The following LARP1B variants were observed in gnomAD, a reference collection of about 807,000 sequenced individuals.
The protein encoded by LARP1B is la-related protein 1B.
Under a neutral mutation model 114.2 loss-of-function variants are expected in LARP1B, and 76 were observed. That is an observed-to-expected ratio of 0.67 (90% CI 0.55 to 0.81). The LOEUF is 0.81. Among genes scored for constraint, LARP1B ranks in the 30% least tolerant of loss-of-function variants. LARP1B has a pLI of 0.00. For synonymous variants in LARP1B, 345 were observed against 348.0 expected (o/e 0.99, Z 0.10); for missense variants, 1,014 against 1,075.8 (o/e 0.94, Z 0.80).
chr4:128,096,128 G>T (rs1259495225), intron 7 of LARP1B, among the ~76,000 whole-genome samples: 1 of 151,872 alleles, frequency 6.6e-6, no homozygotes, highest in Non-Finnish European at 1.5e-5. Context: ...CACGTAGCTG[G>T]CACTACAGGC....
intron 15 of LARP1B, among the ~76,000 whole-genome samples, chr4:128,190,607 A>G (rs1016528040): frequency 1.3e-5 from 2 of 152,066 alleles, no homozygotes; most frequent in Non-Finnish European, 2.9e-5. Flanking sequence ...ATGGTTTTAT[A>G]AGTGTTTGAC....
At chr4:128,145,617 A>G (rs1457694842) in intron 11 of LARP1B, among the ~76,000 whole-genome samples, 2 of 152,112 alleles carry the variant, frequency 1.3e-5, no homozygotes, top group Admixed American at 6.6e-5. Context: ...CACTGCTTCA[A>G]CTGTACTAAA....
chr4:128,067,740 G>A (rs1237781327), intron 1 of LARP1B, among the ~76,000 whole-genome samples: 3 of 149,876 alleles, frequency 2.0e-5, no homozygotes, highest in East Asian at 2.0e-4. Flanking sequence ...TTGAGATGGC[G>A]CCTTGCTCTC....
chr4:128,086,660 A>C (rs1471513510), intron 5 of LARP1B, among the ~76,000 whole-genome samples: 2 of 151,998 alleles, frequency 1.3e-5, no homozygotes, highest in Non-Finnish European at 2.9e-5. Flanking sequence ...TTCTTTTTAT[A>C]ACTGGCAATA....
intron 11 of LARP1B, among the ~76,000 whole-genome samples, chr4:128,126,869 T>A (rs188258202): frequency 1.9e-4 from 29 of 151,594 alleles, no homozygotes; most frequent in African/African-American, 7.0e-4. Context: ...ACGGAGAAGG[T>A]CTAAAATATA....
intron 11 of LARP1B, among the ~76,000 whole-genome samples, chr4:128,139,629 CA>C (rs1727063607): frequency 6.6e-6 from 1 of 151,620 alleles, no homozygotes; most frequent in Non-Finnish European, 1.5e-5. Context: ...CATTGCACTC[CA>C]GCCTGGGCGA....
rs751315718 is a variant in LARP1B, at chr4:128,207,278, G to C, written c.2442G>C (p.Lys814Asn). 1.3e-6 allele frequency: 2 copies of C among 1,496,202 alleles called. No homozygotes were observed. Among genetic ancestry groups the C allele is most frequent in the Non-Finnish European group, 1.8e-6 (2 of 1,110,482 alleles). The allele number at this position is 1,496,202 out of a possible 1,614,324, so 92.7% of individuals were successfully genotyped here. A position where few individuals can be genotyped will look rare whatever the true frequency, so the allele number is the denominator to read the frequency against. Residue 814 changes from lysine (K) to asparagine (N), a missense_variant, in exon 19 of 20, where the codon AAG becomes AAC. By Grantham distance (94) the Lys-to-Asn change is moderately conservative (BLOSUM62 0). Coordinates refer to ENST00000326639, the MANE Select transcript of LARP1B (RefSeq NM_018078.4). ...YESGQLYGLE[K>N]FWAYLKYSQS... ...TAGGTCAGCTGTATGGACTAGAAAA[G>C]TTTTGGGCTTATTTGAAATATTCTC... is the stretch of plus-strand genomic sequence containing the variant.
At position 128,210,431 on chromosome 4, in the gene LARP1B, C is replaced by G; in HGVS notation, c.*378C>G. On this transcript the variant is annotated 3_prime_UTR_variant, in exon 20 of 20. Transcript: ENST00000326639. ...ATGCCTAACATTTCAGCTCATACTT[C>G]TTAAAGAAGATATAGTATGTTGTAT... The G allele has an allele frequency of 9.7e-7, 1 of 1,030,408 alleles. No homozygotes were observed. Among genetic ancestry groups the G allele is most frequent in the East Asian group, 8.2e-5 (1 of 12,252 alleles). The allele number at this position is 1,030,408 out of a possible 1,614,324, so 63.8% of individuals were successfully genotyped here. A position where few individuals can be genotyped will look rare whatever the true frequency, so the allele number is the denominator to read the frequency against.
chr4:128,066,477 C>CTT (rs376383374), intron 1 of LARP1B, among the ~76,000 whole-genome samples: 13 of 120,416 alleles, frequency 1.1e-4, no homozygotes, highest in Admixed American at 2.7e-4. Flanking sequence ...TGCGCCCGGC[C>CTT]TTTTTTTTTT....
At chr4:128,078,655 C>T (rs1768970423) in intron 4 of LARP1B, among the ~76,000 whole-genome samples, 1 of 151,918 alleles carries the variant, frequency 6.6e-6, no homozygotes, top group African/African-American at 2.4e-5. Context: ...TAGCATTCCC[C>T]TGTCAAAATT....
intron 19 of LARP1B, 134 bp from the exon 20 acceptor site, chr4:128,209,722 A>T (rs6534671): frequency 3.2e-5 from 11 of 345,544 alleles, no homozygotes; most frequent in East Asian, 2.5e-4. Context: ...GACTCCATCA[A>T]AAAAAAAAAA....
At chr4:128,070,045 G>A (rs895498852) in intron 1 of LARP1B, among the ~76,000 whole-genome samples, 6 of 152,160 alleles carry the variant, frequency 3.9e-5, no homozygotes, top group Non-Finnish European at 7.3e-5. Context: ...GAGGCCGAGC[G>A]CAGTGGCTCA....
intron 15 of LARP1B, among the ~76,000 whole-genome samples, chr4:128,189,304 G>T (rs374021835): frequency 0.047 from 289 of 6,136 alleles, no homozygotes; most frequent in Non-Finnish European, 0.057. Flanking sequence ...GTTCTATTTT[G>T]TTTGATACAA....
At chr4:128,126,530 A>G (rs1789681289) in intron 11 of LARP1B, among the ~76,000 whole-genome samples, 1 of 152,210 alleles carries the variant, frequency 6.6e-6, no homozygotes. Context: ...ATCCTAAAGA[A>G]TAACGATAGA....
rs1426700288 is a variant in LARP1B, at chr4:128,173,678, ACTC to A, written c.1649-3193_1649-3191del. Among the ~76,000 whole-genome samples the A allele has an allele frequency of 2.0e-5, 3 of 152,134 alleles. No individual in the cohort carries two copies. The East Asian group carries it at 5.8e-4, about 29-fold the overall frequency. On this transcript the variant is annotated intron_variant, in intron 12 of 19. Coordinates refer to ENST00000326639, the MANE Select transcript of LARP1B (RefSeq NM_018078.4). Reference sequence around the variant, plus strand: ...AAAGCTTGTTGAAACAGATTAAAGGACTCTGTATCAACTTTCTTATTCAGTAAG... The same window carrying A: ...AAAGCTTGTTGAAACAGATTAAAGGATGTATCAACTTTCTTATTCAGTAAG...
chr4:128,206,302 TA>T (rs1460181975), intron 17 of LARP1B, 125 bp from the exon 18 acceptor site: 4 of 576,624 alleles, frequency 6.9e-6, no homozygotes, highest in Admixed American at 7.4e-5. Flanking sequence ...CAAAAATAAT[TA>T]AAAAATCTGA....
intron 15 of LARP1B, among the ~76,000 whole-genome samples, chr4:128,197,248 A>G (rs1257299690): frequency 6.6e-6 from 1 of 152,204 alleles, no homozygotes; most frequent in Non-Finnish European, 1.5e-5. Context: ...AACTCCTAAA[A>G]TTCTTTTTTA....
intron 7 of LARP1B, 110 bp from the exon 8 acceptor site, chr4:128,098,076 A>G: frequency 1.2e-6 from 1 of 860,168 alleles, no homozygotes; most frequent in East Asian, 2.7e-5. Flanking sequence ...ATTGTTAACC[A>G]AATTACAATA....
At chr4:128,107,495 A>T in intron 9 of LARP1B, 182 bp downstream of exon 9, 1 of 1,419,586 alleles carries the variant, frequency 7.0e-7, no homozygotes, top group Non-Finnish European at 9.3e-7. Flanking sequence ...TTAAATAAGG[A>T]TTTAAGAATT....
Sources: gnomAD v4.1 joint callset for allele counts (sites outside exome capture counted in the v4.1 genomes callset) on GRCh38, gnomAD v4.1.1 for gene constraint, MANE v1.5 for transcripts, NCBI Gene and HGNC (gene_info 2026-07-23, HGNC 2026-07-21) for gene names.